MYZAP: variants seen among roughly 807,000 people sequenced by gnomAD.
MYZAP encodes the protein myocardial zonula adherens protein, also known as GRINL1A complex locus upstream.
Under a neutral mutation model 69.4 loss-of-function variants are expected in MYZAP, and 66 were observed. The observed-to-expected ratio is 0.95, with a 90% CI of 0.78 to 1.17. The LOEUF (loss-of-function observed/expected upper bound fraction) is 1.17. Ranked by LOEUF, MYZAP falls within the 50% of genes most tolerant of loss-of-function variation. The pLI, the probability that MYZAP is intolerant of heterozygous loss-of-function variation, is 0.00. For missense variants in MYZAP, 611 were observed against 556.2 expected (o/e 1.10, Z -0.99); for synonymous variants, 256 against 205.9 (o/e 1.24, Z -2.09).
intron 11 of MYZAP, among the ~76,000 whole-genome samples, chr15:57,670,640 C>T (rs2038824741): frequency 6.6e-6 from 1 of 151,584 alleles, no homozygotes; most frequent in Non-Finnish European, 1.5e-5. Context: ...TCTGTTTGTT[C>T]CTTCTGGTTT....
At chr15:57,608,541 C>T (rs750490) in intron 2 of MYZAP, among the ~76,000 whole-genome samples, 44,388 of 152,062 alleles carry the variant, frequency 0.29, 6,689 homozygotes, top group East Asian at 0.37. Flanking sequence ...TCAACTGCCC[C>T]GACACTGCTT....
At chr15:57,611,375 T>G (rs1255627423) in intron 2 of MYZAP, among the ~76,000 whole-genome samples, 5 of 152,206 alleles carry the variant, frequency 3.3e-5, no homozygotes, top group Non-Finnish European at 7.3e-5. Context: ...ATTTTATCAG[T>G]CAAGGTTACC....
In MYZAP at chr15:57,639,303, T is replaced by C. The variant is rs2036992319; in HGVS notation, c.1014-137T>C. On this transcript the variant is annotated intron_variant, in intron 9 of 12. Transcript: ENST00000267853. ...CTCAAGCAGTCCTCCTGCCTTGGCC[T>C]CTTGAAGTGTTGGGATTACAGGCAT... 5.6e-6 allele frequency: 5 copies of C among 899,358 alleles called. No individual in the cohort carries two copies. The East Asian group carries it at 1.1e-4, about 20-fold the overall frequency. 55.7% of individuals were successfully genotyped at this position (899,358 alleles called of 1,614,324 possible).
Position 57,684,443 on chromosome 15 carries a change from A to G in MYZAP, c.1346A>G (p.Asn449Ser), listed in dbSNP as rs753979960. The change falls in exon 13 of 13, where the codon AAC (asparagine) becomes AGC (serine). Residue 449 changes from asparagine (N) to serine (S), a missense_variant. Transcript: ENST00000267853. ...RTREIVMPSR[N>S]YTPYTRVLEL... ...CGTGAAATTGTGATGCCTTCTAGGA[A>G]CTACACCCCATACACAAGAGTCCTG... 45 of 1,613,646 alleles carry G rather than the reference A, an allele frequency of 2.8e-5. No individual in the cohort carries two copies. Among genetic ancestry groups the G allele is most frequent in the Non-Finnish European group, 3.7e-5 (44 of 1,179,844 alleles).
chr15:57,671,251 T>C (rs2038852518), intron 11 of MYZAP, among the ~76,000 whole-genome samples: 1 of 152,160 alleles, frequency 6.6e-6, no homozygotes, highest in Non-Finnish European at 1.5e-5. Flanking sequence ...CTGGGTTCCA[T>C]GGTTTTTAAT....
intron 1 of MYZAP, among the ~76,000 whole-genome samples, chr15:57,593,209 CA>C (rs2033827561): frequency 2.6e-5 from 4 of 151,032 alleles, no homozygotes; most frequent in African/African-American, 9.9e-5. Context: ...CACACACACA[CA>C]CACACCCCAG....
chr15:57,647,134 A>G, intron 10 of MYZAP: 1 of 985,420 alleles, frequency 1.0e-6, no homozygotes, highest in Non-Finnish European at 1.2e-6. Context: ...AGCAGGCATG[A>G]AGCTGCTTTC....
chr15:57,646,522 G>A (rs2037455285), intron 10 of MYZAP: 30 of 1,024,006 alleles, frequency 2.9e-5, no homozygotes, highest in Non-Finnish European at 3.3e-5. Flanking sequence ...AAAGATCCAG[G>A]TGGAGGCTTG....
rs73424786 is a variant in MYZAP, at chr15:57,680,890, T to C, written c.1305-3512T>C. On this transcript the variant is annotated intron_variant, in intron 12 of 12. Transcript: ENST00000267853. ...GCTTTATTTGCTGATTCTGCTATTG[T>C]TTTCCCCAGGGGAACTGCCCCTTTA... 3.0e-3 allele frequency: 460 copies of C among 152,350 alleles called. 7 individuals are homozygous for C. The highest frequency in any genetic ancestry group is 0.01 in the African/African-American group (434 of 41,572). 9.4% of individuals were successfully genotyped at this position (152,350 alleles called of 1,614,324 possible). A position where few individuals can be genotyped will look rare whatever the true frequency, so the allele number is the denominator to read the frequency against.
At chr15:57,660,838 T>C (rs554436427) in intron 10 of MYZAP, among the ~76,000 whole-genome samples, 24 of 152,254 alleles carry the variant, frequency 1.6e-4, no homozygotes, top group African/African-American at 5.3e-4. Context: ...TAGAATATAT[T>C]ATAAAAAACA....
Position 57,660,453 on chromosome 15 carries a change from T to C in MYZAP, c.1120-997T>C, listed in dbSNP as rs556317471. On this transcript the variant is annotated intron_variant, in intron 10 of 12. Coordinates refer to ENST00000267853, the MANE Select transcript of MYZAP (RefSeq NM_001018100.5). The stretch of plus-strand genomic sequence containing the variant: ...CCTCAGCCTCCCAAGTAGCTGGGAC[T>C]ACAGGGACACACCACCACACCCAGC... 2.6e-5 allele frequency among the ~76,000 whole-genome samples: 4 copies of C among 152,150 alleles called. No homozygotes were observed. The East Asian group carries it at 7.7e-4, about 29-fold the overall frequency.
intron 10 of MYZAP, among the ~76,000 whole-genome samples, chr15:57,639,751 G>A (rs1438771981): frequency 1.3e-5 from 2 of 152,196 alleles, no homozygotes; most frequent in African/African-American, 2.4e-5. Context: ...GGTTTCCTCA[G>A]GTCAAAGGGT....
rs568587022 is a variant in MYZAP at position 57,644,586 on chromosome 15, A to T, written c.1119+5041A>T. 2.0e-5 allele frequency among the ~76,000 whole-genome samples: 3 copies of T among 152,210 alleles called. No homozygotes were observed. In the East Asian group the frequency reaches 5.8e-4, roughly 29 times the overall value. On this transcript the variant is annotated intron_variant, in intron 10 of 12. Coordinates refer to ENST00000267853, the MANE Select transcript of MYZAP (RefSeq NM_001018100.5). ...TCAACCTCCCAAGTAGATCGACTAT[A>T]GGCACGTGCACCCATGCCCAGCTAA...
At chr15:57,601,214 G>C (rs1027824018) in intron 1 of MYZAP, among the ~76,000 whole-genome samples, 3 of 152,114 alleles carry the variant, frequency 2.0e-5, no homozygotes, top group Non-Finnish European at 4.4e-5. Context: ...ACAGCTAGTA[G>C]ATGTTGGAGC....
chr15:57,643,449 G>C (rs1394770979), intron 10 of MYZAP, among the ~76,000 whole-genome samples: 9 of 152,240 alleles, frequency 5.9e-5, no homozygotes, highest in Admixed American at 5.2e-4. Flanking sequence ...CACTGGGAGA[G>C]CTGGGAGGAG....
chr15:57,655,049 T>C (rs2037942399), intron 10 of MYZAP, among the ~76,000 whole-genome samples: 1 of 152,132 alleles, frequency 6.6e-6, no homozygotes, highest in Non-Finnish European at 1.5e-5. Context: ...GGGAAAAAAG[T>C]CAACTAAGGA....
intron 7 of MYZAP, 36 bp downstream of exon 7, chr15:57,632,595 G>A (rs770256634): frequency 1.2e-6 from 2 of 1,611,128 alleles, no homozygotes; most frequent in South Asian, 2.2e-5. Context: ...AAACTTACCG[G>A]GAATTGTTGG....
intron 2 of MYZAP, among the ~76,000 whole-genome samples, chr15:57,613,386 C>A (rs2035234811): frequency 6.7e-6 from 1 of 150,008 alleles, no homozygotes; most frequent in Non-Finnish European, 1.5e-5. Flanking sequence ...ATTTAATTTT[C>A]TTGAGATAGG....
intron 10 of MYZAP, among the ~76,000 whole-genome samples, chr15:57,659,555 T>C (rs2038175455): frequency 6.6e-6 from 1 of 152,218 alleles, no homozygotes; most frequent in Admixed American, 6.5e-5. Context: ...TCAAACGGTT[T>C]CAAAATAACT....
Sources: gnomAD v4.1 joint callset for allele counts (sites outside exome capture counted in the v4.1 genomes callset) on GRCh38, gnomAD v4.1.1 for gene constraint, MANE v1.5 for transcripts, NCBI Gene and HGNC (gene_info 2026-07-23, HGNC 2026-07-21) for gene names.